USP54: variants seen among roughly 807,000 people sequenced by gnomAD.
The protein encoded by USP54 is ubiquitin specific peptidase 54, also known as ubiquitin carboxyl-terminal hydrolase 54.
In USP54, 87 loss-of-function variants were observed where a neutral mutation model predicts 170.5. The observed-to-expected ratio is 0.51, with a 90% confidence interval of 0.43 to 0.61. USP54 has a LOEUF of 0.61. Ranked by LOEUF, USP54 falls within the 20% of genes least tolerant of loss-of-function variation. USP54 has a pLI of 0.00. For missense variants in USP54, 1,786 were observed against 2,047.8 expected (o/e 0.87, Z 2.47); for synonymous variants, 655 against 742.8 (o/e 0.88, Z 1.92).
intron 1 of USP54, among the ~76,000 whole-genome samples, chr10:73,583,744 G>A (rs1027238000): frequency 6.6e-6 from 1 of 151,188 alleles, no homozygotes; most frequent in African/African-American, 2.4e-5. Flanking sequence ...GCAAGACCCT[G>A]TCTTTAAAAA....
At chr10:73,536,585 T>C (rs1250677226) in intron 10 of USP54, 148 bp from the exon 11 acceptor site, 1 of 872,500 alleles carries the variant, frequency 1.1e-6, no homozygotes, top group African/African-American at 1.8e-5. Context: ...ATCTCAGACC[T>C]AACACTTTTT....
At chr10:73,543,946 C>CT (rs1162232618) in intron 5 of USP54, among the ~76,000 whole-genome samples, 7,147 of 143,786 alleles carry the variant, frequency 0.05, 219 homozygotes, top group South Asian at 0.082. Context: ...ACCACATAAC[C>CT]TTTTTTTTTT....
intron 4 of USP54, among the ~76,000 whole-genome samples, chr10:73,564,158 T>C (rs2073773564): frequency 6.6e-6 from 1 of 152,142 alleles, no homozygotes; most frequent in Non-Finnish European, 1.5e-5. Flanking sequence ...CGCATCACCA[T>C]GCCTGGCTAA....
intron 20 of USP54, among the ~76,000 whole-genome samples, chr10:73,512,325 G>A (rs1172629879): frequency 2.0e-5 from 3 of 152,034 alleles, no homozygotes; most frequent in Non-Finnish European, 4.4e-5. Context: ...TCTTTGTAGA[G>A]ATGGGGATCT....
intron 4 of USP54, among the ~76,000 whole-genome samples, chr10:73,550,283 A>C (rs535819137): frequency 2.0e-5 from 3 of 152,260 alleles, no homozygotes; most frequent in Non-Finnish European, 4.4e-5. Context: ...CCCCAAACCT[A>C]CCATGTATAT....
At chr10:73,578,975 C>G (rs2133842802) in intron 1 of USP54, among the ~76,000 whole-genome samples, 1 of 145,926 alleles carries the variant, frequency 6.9e-6, no homozygotes, top group South Asian at 2.2e-4. Flanking sequence ...CAGTCTCCCT[C>G]TGTCGCCCAG....
intron 1 of USP54, among the ~76,000 whole-genome samples, chr10:73,590,783 A>G (rs1283818285): frequency 1.3e-5 from 2 of 152,198 alleles, no homozygotes; most frequent in Non-Finnish European, 2.9e-5. Flanking sequence ...GGATTTTGCC[A>G]ACACTATTCT....
chr10:73,578,120 GA>G (rs1418481626), intron 1 of USP54, among the ~76,000 whole-genome samples: 1 of 152,182 alleles, frequency 6.6e-6, no homozygotes, highest in African/African-American at 2.4e-5. Context: ...GCAGAGAAAA[GA>G]TTCTCAGGCT....
chr10:73,560,412 T>A (rs1273899126), intron 4 of USP54, among the ~76,000 whole-genome samples: 7 of 149,072 alleles, frequency 4.7e-5, no homozygotes, highest in Non-Finnish European at 1.0e-4. Context: ...CCCAGCACTT[T>A]GGGAGGTCGA....
chr10:73,499,532 T>C (rs2057611699), intron 23 of USP54: 1 of 191,414 alleles, frequency 5.2e-6, no homozygotes, highest in African/African-American at 2.3e-5. Context: ...CCCTTTGTGA[T>C]GACTATACTC....
chr10:73,500,756 G>T lies in USP54; in HGVS notation c.4394C>A (p.Ser1465Tyr). Residue 1465 changes from serine to tyrosine, a missense_variant, in exon 23 of 24, where the codon TCT becomes TAT. Around this residue, in one of 3 missense-constraint regions of USP54, gnomAD observed 1,418 missense variants for 1,569.0 expected, o/e 0.90. Coordinates refer to ENST00000687698, the MANE Select transcript of USP54 (RefSeq NM_001391956.1). Reference protein sequence around the residue: ...SSSLPVIHDPSVFLLGPQLYL... With the variant: ...SSSLPVIHDPYVFLLGPQLYL... ...GAGTTGGGGACCGAGGAGAAACACA[G>T]AAGGGTCATGGATGACAGGGAGGGA... 2 of 1,603,600 alleles carry T rather than the reference G, an allele frequency of 1.2e-6. No individual in the cohort carries two copies. The highest frequency in any genetic ancestry group is 2.2e-5 in the South Asian group (2 of 89,984).
intron 1 of USP54, among the ~76,000 whole-genome samples, chr10:73,589,778 G>T (rs2078006889): frequency 1.3e-5 from 2 of 152,182 alleles, no homozygotes; most frequent in Non-Finnish European, 2.9e-5. Context: ...GCAAGCACAT[G>T]ACTGACTGGG....
intron 4 of USP54, among the ~76,000 whole-genome samples, chr10:73,563,175 A>C (rs1053674424): frequency 1.3e-5 from 2 of 152,114 alleles, no homozygotes; most frequent in Admixed American, 1.3e-4. Context: ...TGGTGGTCTC[A>C]AACTCCTGAG....
At chr10:73,593,149 A>G (rs1291387961), upstream of USP54, among the ~76,000 whole-genome samples, 4 of 152,060 alleles carry the variant, frequency 2.6e-5, no homozygotes, top group Non-Finnish European at 5.9e-5. Flanking sequence ...ATTTGAGCCC[A>G]GGAGTTCAAG....
intron 1 of USP54, among the ~76,000 whole-genome samples, chr10:73,618,998 A>C (rs549998104): frequency 6.7e-6 from 1 of 149,982 alleles, no homozygotes; most frequent in Admixed American, 6.6e-5. Context: ...AGATCACCTG[A>C]GGTCAGGAGT....
At chr10:73,582,524 T>C (rs1378809996) in intron 1 of USP54, among the ~76,000 whole-genome samples, 1 of 152,002 alleles carries the variant, frequency 6.6e-6, no homozygotes, top group African/African-American at 2.4e-5. Flanking sequence ...CCCGAGTAGC[T>C]GGGATTACAG....
chr10:73,573,748 G>A (rs1020217219), intron 3 of USP54, among the ~76,000 whole-genome samples: 4 of 152,172 alleles, frequency 2.6e-5, no homozygotes, highest in African/African-American at 4.8e-5. Context: ...CTGGGCGACA[G>A]AGTGAGACTC....
At chr10:73,606,970 C>T (rs1564957151) in intron 1 of USP54, among the ~76,000 whole-genome samples, 1 of 151,386 alleles carries the variant, frequency 6.6e-6, no homozygotes, top group Non-Finnish European at 1.5e-5. Context: ...ACTGAAAAAC[C>T]TAATATGTTC....
intron 1 of USP54, among the ~76,000 whole-genome samples, chr10:73,577,193 T>G (rs2076231127): frequency 6.6e-6 from 1 of 152,198 alleles, no homozygotes; most frequent in African/African-American, 2.4e-5. Flanking sequence ...AAATGTTAAG[T>G]GTTAAATTTG....
Sources: gnomAD v4.1 joint callset for allele counts (sites outside exome capture counted in the v4.1 genomes callset) on GRCh38, gnomAD v4.1.1 for gene constraint, gnomAD v4.1.1 regional missense constraint, MANE v1.5 for transcripts, NCBI Gene and HGNC (gene_info 2026-07-23, HGNC 2026-07-21) for gene names.